The following DDX6 variants were observed in gnomAD, a reference collection of about 807,000 sequenced individuals.
DDX6 encodes DEAD-box helicase 6.
Under a neutral mutation model 60.6 loss-of-function variants are expected in DDX6, and 7 were observed. That is an observed-to-expected ratio of 0.12 (90% CI 0.07 to 0.22). The LOEUF (loss-of-function observed/expected upper bound fraction) is 0.22. Ranked by LOEUF, DDX6 falls within the 10% of genes least tolerant of loss-of-function variation. The probability of loss-of-function intolerance (pLI) is 1.00; values close to 1 mark genes in which losing one functional copy is unlikely to be tolerated. For missense variants in DDX6, 270 were observed against 589.9 expected, an observed-to-expected ratio of 0.46 and a Z score of 5.62; for synonymous variants, 207 against 201.0, an observed-to-expected ratio of 1.03 and a Z score of -0.25.
chr11:118,752,695 T>C (rs181390377), intron 13 of DDX6, among the ~76,000 whole-genome samples: 195 of 152,312 alleles, frequency 1.3e-3, no homozygotes, highest in African/African-American at 4.5e-3. Flanking sequence ...AAACTATCCT[T>C]TGTCAAATCA....
chr11:118,778,632 C>A (rs1861782898), intron 4 of DDX6, among the ~76,000 whole-genome samples: 1 of 151,976 alleles, frequency 6.6e-6, no homozygotes, highest in African/African-American at 2.4e-5. Context: ...AAAATGCACC[C>A]CAGATTGCTT....
chr11:118,765,837 C>A (rs1334001835), intron 5 of DDX6, among the ~76,000 whole-genome samples: 10 of 149,832 alleles, frequency 6.7e-5, no homozygotes, highest in Non-Finnish European at 1.5e-5. Flanking sequence ...ATAAGCCCAG[C>A]ACTTTGGGAG....
intron 13 of DDX6, among the ~76,000 whole-genome samples, chr11:118,753,240 G>A (rs1860841291): frequency 6.6e-6 from 1 of 151,906 alleles, no homozygotes; most frequent in South Asian, 2.1e-4. Flanking sequence ...AGGTTGGCCA[G>A]GCTGGTCTTG....
chr11:118,783,718 C>T (rs1861978226), intron 2 of DDX6, among the ~76,000 whole-genome samples: 1 of 150,316 alleles, frequency 6.7e-6, no homozygotes, highest in Non-Finnish European at 1.5e-5. Context: ...AGGAGAATGG[C>T]TTGAACTGAA....
At chr11:118,758,682 T>C in intron 9 of DDX6, 92 bp downstream of exon 9, 1 of 1,495,036 alleles carries the variant, frequency 6.7e-7, no homozygotes, top group East Asian at 2.3e-5. Context: ...CTACGAACTT[T>C]TATACAGTGA....
chr11:118,789,710 G>A (rs373054372), intron 1 of DDX6: 2 of 152,172 alleles, frequency 1.3e-5, no homozygotes, highest in East Asian at 1.9e-4. Context: ...GCACTAAGAG[G>A]ATGAAAAGGG....
chr11:118,786,568 G>GT (rs1470658389), intron 1 of DDX6, 50 bp from the exon 2 acceptor site: 1 of 234,204 alleles, frequency 4.3e-6, no homozygotes, highest in African/African-American at 2.2e-5. Context: ...GAAAAACTTT[G>GT]TTTCCCTTTT....
At chr11:118,774,540 C>T (rs1861638195) in intron 4 of DDX6, among the ~76,000 whole-genome samples, 1 of 143,408 alleles carries the variant, frequency 7.0e-6, no homozygotes, top group South Asian at 2.2e-4. Flanking sequence ...ACAATCCTGG[C>T]TCACTTACAG....
intron 5 of DDX6, 53 bp downstream of exon 5, chr11:118,768,170 C>A: frequency 7.1e-6 from 11 of 1,560,054 alleles, no homozygotes; most frequent in Non-Finnish European, 9.6e-6. Context: ...ACACATGGCT[C>A]CAAGGCTGAA....
intron 1 of DDX6, chr11:118,786,946 T>C (rs897652125): frequency 1.3e-5 from 2 of 152,222 alleles, no homozygotes; most frequent in African/African-American, 2.4e-5. Flanking sequence ...CTACTTGTAA[T>C]AGCAACCGAG....
intron 5 of DDX6, among the ~76,000 whole-genome samples, chr11:118,766,541 T>C (rs1555161311): frequency 6.6e-6 from 1 of 152,182 alleles, no homozygotes; most frequent in African/African-American, 2.4e-5. Context: ...CCTATTATAG[T>C]GTCCCAGATT....
rs765218472 is a variant in DDX6, at chr11:118,754,564, T to C, written c.*7+141A>G. 318 of 687,356 alleles carry C rather than the reference T, an allele frequency of 4.6e-4. 3 individuals are homozygous for C. The highest frequency in any genetic ancestry group is 1.2e-4 in the Non-Finnish European group (50 of 424,040). 42.6% of individuals were successfully genotyped at this position (687,356 alleles called of 1,614,324 possible). A position where few individuals can be genotyped will look rare whatever the true frequency, so the allele number is the denominator to read the frequency against. On this transcript the variant is annotated intron_variant, in intron 13 of 13. Coordinates refer to ENST00000534980, the MANE Select transcript of DDX6 (RefSeq NM_004397.6). ...AGACTACAACCTCCCACAAGAGATA[T>C]TATTTACTGTCATTTATGCTAGTGG...
Position 118,747,901 on chromosome 11 carries a change from G to GGCCCCC in DDX6, c.*4203_*4204insGGGGGC, listed in dbSNP as rs1352818982. The GGCCCCC allele has an allele frequency of 4.9e-5, 5 of 101,140 alleles. No individual in the cohort carries two copies. Among genetic ancestry groups the GGCCCCC allele is most frequent in the South Asian group, 5.5e-4 (1 of 1,816 alleles). The allele number at this position is 101,140 out of a possible 1,614,324, so 6.3% of individuals were successfully genotyped here. Reference sequence around the variant, plus strand: ...CATAACACATCCCAACAAAAACAGAGCCCCCCCCCCCCCCACTGGAACATC... The same window carrying GGCCCCC: ...CATAACACATCCCAACAAAAACAGAGGCCCCCCCCCCCCCCCCCCCACTGGAACATC... On this transcript the variant is annotated 3_prime_UTR_variant, in exon 14 of 14. Coordinates refer to ENST00000534980, the MANE Select transcript of DDX6 (RefSeq NM_004397.6).
Position 118,749,370 on chromosome 11 carries a change from A to AAG in DDX6, c.*2734_*2735insCT, listed in dbSNP as rs1860675207. On this transcript the variant is annotated 3_prime_UTR_variant, in exon 14 of 14. Coordinates refer to ENST00000534980, the MANE Select transcript of DDX6 (RefSeq NM_004397.6). Reference sequence around the variant, plus strand: ...CCCAAAAAAGAAAGAAAAAAAAAAAAAAAAAAAAAAAGACCAGGCTTTGAC... The same window carrying AAG: ...CCCAAAAAAGAAAGAAAAAAAAAAAAAGAAAAAAAAAAAGACCAGGCTTTGAC... The AAG allele has an allele frequency of 6.7e-6, 1 of 149,582 alleles. No individual in the cohort carries two copies. Among genetic ancestry groups the AAG allele is most frequent in the Non-Finnish European group, 1.5e-5 (1 of 67,176 alleles). 9.3% of individuals were successfully genotyped at this position (149,582 alleles called of 1,614,324 possible).
Position 118,760,063 on chromosome 11 carries a change from A to T in DDX6, c.742-19T>A, listed in dbSNP as rs782252394. ...TATCTGCCTGCAGTAGAAAGAAAAG[A>T]CAATTTTAAAAACAATAAAATAATG... On this transcript the variant is annotated intron_variant, in intron 7 of 13. Transcript: ENST00000534980. 11 of 1,606,886 alleles carry T rather than the reference A, an allele frequency of 6.8e-6. No homozygotes were observed. Among genetic ancestry groups the T allele is most frequent in the Non-Finnish European group, 8.5e-6 (10 of 1,177,880 alleles).
chr11:118,778,294 C>T (rs1288114803), intron 4 of DDX6, among the ~76,000 whole-genome samples: 1 of 152,182 alleles, frequency 6.6e-6, no homozygotes, highest in African/African-American at 2.4e-5. Context: ...TTAAATCCCA[C>T]CTCTACCACT....
chr11:118,759,141 C>A lies in DDX6; in HGVS notation c.865-239G>T, dbSNP rs532596969. 2.1e-5 allele frequency: 8 copies of A among 373,728 alleles called. No homozygotes were observed. The Admixed American group carries it at 3.4e-4, about 16-fold the overall frequency. The allele number at this position is 373,728 out of a possible 1,614,324, so 23.2% of individuals were successfully genotyped here. On this transcript the variant is annotated intron_variant, in intron 8 of 13. Transcript: ENST00000534980. ...GTGGCACGATCTCTGCTCCCTGCAACCTCCACCTCCCGGGTTCAAGTGATT... is the reference window on the plus strand; with the variant it reads ...GTGGCACGATCTCTGCTCCCTGCAAACTCCACCTCCCGGGTTCAAGTGATT...
intron 2 of DDX6, among the ~76,000 whole-genome samples, chr11:118,783,031 A>G (rs929397539): frequency 6.6e-6 from 1 of 152,110 alleles, no homozygotes; most frequent in African/African-American, 2.4e-5. Context: ...CGTAAGATAC[A>G]ATGCAAAACC....
chr11:118,759,048 G>T, intron 8 of DDX6, 146 bp from the exon 9 acceptor site: 1 of 1,095,420 alleles, frequency 9.1e-7, no homozygotes, highest in Non-Finnish European at 1.3e-6. Context: ...TATATGATCT[G>T]TCATTACAGA....
Sources: gnomAD v4.1 joint callset for allele counts (sites outside exome capture counted in the v4.1 genomes callset) on GRCh38, gnomAD v4.1.1 for gene constraint, MANE v1.5 for transcripts, NCBI Gene and HGNC (gene_info 2026-07-23, HGNC 2026-07-21) for gene names.